IRAG1: variants seen among roughly 807,000 people sequenced by gnomAD.
The protein encoded by IRAG1 is IP3R-associated cGMP kinase substrate.
Under a neutral mutation model 106.2 loss-of-function variants are expected in IRAG1, and 62 were observed. The observed-to-expected ratio is 0.58, with a 90% CI of 0.48 to 0.72. The LOEUF is 0.72. Ranked by LOEUF, IRAG1 falls within the 30% of genes least tolerant of loss-of-function variation. The pLI is 0.00. For synonymous variants in IRAG1, 462 were observed against 443.9 expected, an observed-to-expected ratio of 1.04 and a Z score of -0.51; for missense variants, 1,064 against 1,140.7, an observed-to-expected ratio of 0.93 and a Z score of 0.97.
chr11:10,637,227 T>C (rs553553056), intron 2 of IRAG1, among the ~76,000 whole-genome samples: 4 of 152,244 alleles, frequency 2.6e-5, no homozygotes, highest in African/African-American at 9.6e-5. Flanking sequence ...CCCTGGTAAA[T>C]AGGAGCTGTG....
chr11:10,663,410 T>C (rs1278768219), intron 1 of IRAG1, among the ~76,000 whole-genome samples: 1 of 152,168 alleles, frequency 6.6e-6, no homozygotes, highest in African/African-American at 2.4e-5. Flanking sequence ...ATGTAGGAAC[T>C]GGTTTGGGAA....
rs1021429462 is a variant in IRAG1 at position 10,693,639 on chromosome 11, G to A, written c.-37C>T. The A allele has an allele frequency of 9.1e-6, 14 of 1,533,514 alleles. No individual in the cohort carries two copies. The East Asian group carries it at 2.9e-4, about 32-fold the overall frequency. The allele number at this position is 1,533,514 out of a possible 1,614,324, so 95.0% of individuals were successfully genotyped here. A position where few individuals can be genotyped will look rare whatever the true frequency, so the allele number is the denominator to read the frequency against. On this transcript the variant is annotated 5_prime_UTR_variant, in exon 1 of 21. Transcript: ENST00000423302. The stretch of plus-strand genomic sequence containing the variant: ...GTTACATCTGGCTCCGGAGCTCAGA[G>A]CCGAGAAGCCTCTGGCTGCAGAACC...
intron 1 of IRAG1, among the ~76,000 whole-genome samples, chr11:10,662,697 A>C (rs1277650924): frequency 6.6e-6 from 1 of 152,228 alleles, no homozygotes. Flanking sequence ...GTACTCTGGA[A>C]CCACCTCCTT....
chr11:10,687,078 C>T (rs1487039634), intron 1 of IRAG1, among the ~76,000 whole-genome samples: 1 of 152,226 alleles, frequency 6.6e-6, no homozygotes, highest in Non-Finnish European at 1.5e-5. Flanking sequence ...CACCAGGCAT[C>T]TCTGGAGAAA....
At chr11:10,600,870 G>C (rs368655968) in intron 15 of IRAG1, 48 bp downstream of exon 15, 2 of 1,610,242 alleles carry the variant, frequency 1.2e-6, no homozygotes, top group African/African-American at 2.7e-5. Context: ...AGAGCTCTTG[G>C]AAGTCCACCT....
intron 10 of IRAG1, among the ~76,000 whole-genome samples, chr11:10,621,452 G>A (rs562907565): frequency 2.2e-4 from 34 of 152,248 alleles, no homozygotes; most frequent in African/African-American, 8.2e-4. Context: ...GTCCCTGGAG[G>A]TACCTTGGGC....
chr11:10,594,293 T>A, intron 15 of IRAG1, 98 bp from the exon 16 acceptor site: 1 of 1,213,546 alleles, frequency 8.2e-7, no homozygotes, highest in Non-Finnish European at 1.2e-6. Context: ...GGGCCAGAAC[T>A]GGCCCTCAAG....
rs775161522 is a variant in IRAG1 at position 10,626,415 on chromosome 11, C to G, written c.919G>C (p.Ala307Pro). ...TTCCCACTGCTGTTTGTAACAGGAGCTAGGCCTTTGGGTGTGGTCTCGGGG... is the reference window on the plus strand; with the variant it reads ...TTCCCACTGCTGTTTGTAACAGGAGGTAGGCCTTTGGGTGTGGTCTCGGGG... Reference protein sequence around the residue: ...QYPETTPKGLAPVTNSSGKMA... With the variant: ...QYPETTPKGLPPVTNSSGKMA... Residue 307 changes from alanine (A) to proline (P), a missense_variant, in exon 9 of 21, where the codon GCT becomes CCT. Ala to Pro is a conservative substitution (Grantham distance 27, BLOSUM62 -1). Coordinates refer to ENST00000423302, the MANE Select transcript of IRAG1 (RefSeq NM_130385.4). 2 of 1,613,980 alleles carry G rather than the reference C, an allele frequency of 1.2e-6. No individual in the cohort carries two copies. Among genetic ancestry groups the G allele is most frequent in the Non-Finnish European group, 1.7e-6 (2 of 1,179,876 alleles).
chr11:10,604,407 T>C lies in IRAG1; in HGVS notation c.1741A>G (p.Thr581Ala), dbSNP rs375717179. 1.1e-5 allele frequency: 17 copies of C among 1,613,904 alleles called. No homozygotes were observed. The highest frequency in any genetic ancestry group is 1.4e-5 in the Non-Finnish European group (16 of 1,179,884). Reference protein sequence around the residue: ...KELENFKASITSSASLWHHCE... With the variant: ...KELENFKASIASSASLWHHCE... ...CTCACATCAGGCTCCACAATTACCG[T>C]AATGGAAGCTTTGAAGTTTTCCAGT... The change falls in exon 13 of 21, where the codon ACG becomes GCG. Residue 581 changes from threonine to alanine, a missense_variant and splice_region_variant. Transcript: ENST00000423302.
chr11:10,637,032 C>G (rs1379441630), intron 2 of IRAG1, among the ~76,000 whole-genome samples: 1 of 152,180 alleles, frequency 6.6e-6, no homozygotes, highest in Non-Finnish European at 1.5e-5. Context: ...TGAGTTTGGT[C>G]TTTATGGTTT....
intron 13 of IRAG1, among the ~76,000 whole-genome samples, chr11:10,604,030 A>G (rs1854268960): frequency 6.6e-6 from 1 of 152,034 alleles, no homozygotes; most frequent in African/African-American, 2.4e-5. Context: ...TCATGAAAGC[A>G]GCTCTGGGCC....
chr11:10,581,721 C>T, intron 19 of IRAG1, 146 bp downstream of exon 19: 1 of 979,236 alleles, frequency 1.0e-6, no homozygotes, highest in East Asian at 2.8e-5. Context: ...CAGTCTTGCT[C>T]TTTCCTATGT....
chr11:10,589,124 A>C (rs1188827542), intron 18 of IRAG1: 11 of 152,168 alleles, frequency 7.2e-5, no homozygotes. Flanking sequence ...CCAGCTCTCA[A>C]GTATCTTCCT....
chr11:10,623,220 G>T (rs1489060361), intron 10 of IRAG1, among the ~76,000 whole-genome samples: 2 of 152,198 alleles, frequency 1.3e-5, no homozygotes, highest in East Asian at 1.9e-4. Context: ...GCTAGATCTA[G>T]AGGGGTCAGA....
At chr11:10,580,421 G>A in intron 20 of IRAG1, 34 bp downstream of exon 20, 1 of 1,593,136 alleles carries the variant, frequency 6.3e-7, no homozygotes, top group Non-Finnish European at 8.5e-7. Flanking sequence ...CCCCATTTCA[G>A]CAACGGCAAG....
intron 1 of IRAG1, among the ~76,000 whole-genome samples, chr11:10,688,786 T>C (rs906048976): frequency 1.3e-5 from 2 of 152,190 alleles, no homozygotes; most frequent in Non-Finnish European, 2.9e-5. Context: ...CATGCCTGTG[T>C]TTTACCTATG....
chr11:10,618,260 C>T (rs1564910247), intron 10 of IRAG1, among the ~76,000 whole-genome samples: 1 of 152,172 alleles, frequency 6.6e-6, no homozygotes, highest in Non-Finnish European at 1.5e-5. Flanking sequence ...GAAAACCTTC[C>T]CTGACTCAAC....
Position 10,580,435 on chromosome 11 carries a change from T to C in IRAG1, c.2495+20A>G. ...CCCCCATTTCAGCAACGGCAAGGACTCCAAACACAGGCTTCCCACCTGCTT... is the reference window on the plus strand; with the variant it reads ...CCCCCATTTCAGCAACGGCAAGGACCCCAAACACAGGCTTCCCACCTGCTT... On this transcript the variant is annotated intron_variant, in intron 20 of 20. Coordinates refer to ENST00000423302, the MANE Select transcript of IRAG1 (RefSeq NM_130385.4). 2 of 1,604,122 alleles carry C rather than the reference T, an allele frequency of 1.2e-6. No homozygotes were observed. The highest frequency in any genetic ancestry group is 1.4e-5 in the African/African-American group (1 of 74,044).
At chr11:10,680,413 G>GGAA (rs1554935727) in intron 1 of IRAG1, among the ~76,000 whole-genome samples, 9 of 65,754 alleles carry the variant, frequency 1.4e-4, no homozygotes, top group African/African-American at 5.9e-4. Context: ...AGGAAAGAAA[G>GGAA]GGAAAGAAAG....
Sources: gnomAD v4.1 joint callset for allele counts (sites outside exome capture counted in the v4.1 genomes callset) on GRCh38, gnomAD v4.1.1 for gene constraint, MANE v1.5 for transcripts, NCBI Gene and HGNC (gene_info 2026-07-23, HGNC 2026-07-21) for gene names.